UST: variants seen among roughly 807,000 people sequenced by gnomAD.
UST encodes the protein uronyl 2-sulfotransferase, also known as chondroitin sulfate 2-O-sulfotransferase.
UST carries 21 observed loss-of-function variants against 45.6 expected under a neutral mutation model. The observed-to-expected ratio is 0.46, with a 90% CI of 0.33 to 0.66. UST has a LOEUF of 0.66. UST is among the 30% of genes least tolerant of loss of function. The pLI is 0.02. For synonymous variants in UST, 215 were observed against 200.6 expected, an observed-to-expected ratio of 1.07 and a Z score of -0.61; for missense variants, 463 against 512.4, an observed-to-expected ratio of 0.90 and a Z score of 0.93.
At chr6:148,904,192 T>A (rs1027716902) in intron 2 of UST, among the ~76,000 whole-genome samples, 5 of 152,170 alleles carry the variant, frequency 3.3e-5, no homozygotes, top group Non-Finnish European at 4.4e-5. Context: ...GTGCCTCAAA[T>A]CTTAAATACG....
chr6:148,975,756 A>G (rs1045579576), intron 5 of UST, among the ~76,000 whole-genome samples: 1 of 152,224 alleles, frequency 6.6e-6, no homozygotes. Context: ...TAAGGAACCC[A>G]ACATACATCA....
intron 1 of UST, among the ~76,000 whole-genome samples, chr6:148,806,632 C>T (rs543714196): frequency 6.6e-6 from 1 of 152,296 alleles, no homozygotes; most frequent in South Asian, 2.1e-4. Flanking sequence ...AGCCATCGCA[C>T]CCGGCCCCCT....
chr6:148,883,207 T>G (rs1430268205), intron 1 of UST, among the ~76,000 whole-genome samples: 1 of 152,232 alleles, frequency 6.6e-6, no homozygotes, highest in Admixed American at 6.5e-5. Flanking sequence ...ATTTTAGTAT[T>G]TCTCACTTAG....
At chr6:148,888,566 C>T (rs1232318037) in intron 2 of UST, among the ~76,000 whole-genome samples, 3 of 152,104 alleles carry the variant, frequency 2.0e-5, no homozygotes, top group Admixed American at 1.3e-4. Flanking sequence ...CTAAAAATAC[C>T]GCTTACAGCA....
chr6:148,821,613 GTTC>G (rs1185489408), intron 1 of UST, among the ~76,000 whole-genome samples: 1 of 152,134 alleles, frequency 6.6e-6, no homozygotes, highest in African/African-American at 2.4e-5. Flanking sequence ...TAAATATTCT[GTTC>G]TTCATTAGAA....
intron 1 of UST, among the ~76,000 whole-genome samples, chr6:148,777,802 C>T (rs1295880092): frequency 6.6e-6 from 1 of 152,214 alleles, no homozygotes; most frequent in Non-Finnish European, 1.5e-5. Flanking sequence ...CTGCCTCGGC[C>T]TCCGTAATCC....
chr6:149,020,762 A>T (rs936548595), intron 6 of UST, among the ~76,000 whole-genome samples: 2 of 152,148 alleles, frequency 1.3e-5, no homozygotes, highest in Non-Finnish European at 2.9e-5. Context: ...CAGCTCTCTG[A>T]TTTTTACAAA....
intron 4 of UST, among the ~76,000 whole-genome samples, chr6:148,963,902 C>A (rs1780722036): frequency 6.6e-6 from 1 of 152,150 alleles, no homozygotes; most frequent in Non-Finnish European, 1.5e-5. Context: ...TTATTCACTC[C>A]CTTACTGCAG....
At chr6:149,050,649 T>C (rs1173351970) in intron 7 of UST, among the ~76,000 whole-genome samples, 1 of 152,250 alleles carries the variant, frequency 6.6e-6, no homozygotes, top group Admixed American at 6.5e-5. Context: ...TTCCTCATTA[T>C]ACTTTATCCT....
At chr6:148,810,584 C>A (rs1297977768) in intron 1 of UST, among the ~76,000 whole-genome samples, 1 of 152,142 alleles carries the variant, frequency 6.6e-6, no homozygotes, top group African/African-American at 2.4e-5. Flanking sequence ...TCTGTTTGAA[C>A]CTTGATGCCC....
intron 1 of UST, among the ~76,000 whole-genome samples, chr6:148,796,457 C>G (rs969456736): frequency 1.3e-5 from 2 of 151,980 alleles, no homozygotes; most frequent in South Asian, 2.1e-4. Context: ...AACCCTGTCT[C>G]TACTAAAAAT....
At chr6:148,858,817 G>C (rs557776367) in intron 1 of UST, among the ~76,000 whole-genome samples, 139 of 152,304 alleles carry the variant, frequency 9.1e-4, no homozygotes, top group African/African-American at 3.2e-3. Flanking sequence ...TCTCTACAAA[G>C]GACGTGAACT....
intron 1 of UST, among the ~76,000 whole-genome samples, chr6:148,867,317 CACACACACACAT>C (rs1331958634): frequency 4.5e-4 from 65 of 144,600 alleles, no homozygotes; most frequent in East Asian, 1.7e-3. Context: ...CACACACACA[CACACACACACAT>C]ATATATGTAC....
chr6:148,914,785 GA>G (rs1488658606), intron 2 of UST, among the ~76,000 whole-genome samples: 2 of 152,052 alleles, frequency 1.3e-5, no homozygotes, highest in Non-Finnish European at 2.9e-5. Context: ...GGGGATCCCT[GA>G]AATATGGTAT....
chr6:148,982,034 G>A (rs1182790059), intron 5 of UST, among the ~76,000 whole-genome samples: 3 of 152,116 alleles, frequency 2.0e-5, no homozygotes, highest in African/African-American at 7.2e-5. Context: ...TGGAGGAGAA[G>A]CATGCTATGT....
intron 1 of UST, among the ~76,000 whole-genome samples, chr6:148,850,688 G>T (rs1261379731): frequency 6.6e-6 from 1 of 152,164 alleles, no homozygotes; most frequent in Non-Finnish European, 1.5e-5. Context: ...CAGCCTCCAG[G>T]TTGACATATG....
At position 148,806,365 on chromosome 6, in the gene UST, G is replaced by A. The variant is rs191076243; in HGVS notation, c.247+58688G>A. 3.4e-3 allele frequency among the ~76,000 whole-genome samples: 513 copies of A among 152,244 alleles called. 2 individuals are homozygous for A. The highest frequency in any genetic ancestry group is 0.02 in the Middle Eastern group (6 of 294). On this transcript the variant is annotated intron_variant, in intron 1 of 7. Transcript: ENST00000367463. ...TGCCTTTCTTTGTTTTTGAGACAGAGTCTTGCTCTGTCACCCAGGCTGGAG... is the reference window on the plus strand; with the variant it reads ...TGCCTTTCTTTGTTTTTGAGACAGAATCTTGCTCTGTCACCCAGGCTGGAG...
At chr6:149,067,199 G>A (rs1776744450) in intron 7 of UST, among the ~76,000 whole-genome samples, 1 of 152,114 alleles carries the variant, frequency 6.6e-6, no homozygotes, top group Non-Finnish European at 1.5e-5. Flanking sequence ...CTCTGAGTGT[G>A]GTGTTTAATC....
chr6:148,920,194 C>T (rs930957934), intron 2 of UST, among the ~76,000 whole-genome samples: 1 of 152,208 alleles, frequency 6.6e-6, no homozygotes, highest in African/African-American at 2.4e-5. Context: ...GCTATCTTTA[C>T]ACAAATTAGA....
Sources: allele counts gnomAD v4.1 joint callset (sites outside exome capture counted in the v4.1 genomes callset), GRCh38; gene constraint gnomAD v4.1.1; transcripts MANE v1.5; gene names NCBI Gene and HGNC (gene_info 2026-07-23, HGNC 2026-07-21).